CCZ1B: variants seen among roughly 807,000 people sequenced by gnomAD.
CCZ1B encodes the protein CCZ1B vacuolar protein trafficking and biogenesis associated, also known as vacuolar fusion protein CCZ1 homolog B.
CCZ1B carries 25 observed loss-of-function variants against 58.8 expected under a neutral mutation model. The ratio of observed to expected loss-of-function variants is 0.43; its 90% confidence interval spans 0.31 to 0.59. CCZ1B has a LOEUF of 0.59. CCZ1B is among the 20% of genes least tolerant of loss of function. The pLI, the probability that CCZ1B is intolerant of heterozygous loss-of-function variation, is 0.12. For synonymous variants in CCZ1B, 66 were observed against 173.2 expected, an observed-to-expected ratio of 0.38 and a Z score of 4.86; for missense variants, 180 against 501.5, an observed-to-expected ratio of 0.36 and a Z score of 6.12.
chr7:6,804,146 C>T (rs1782802527), intron 12 of CCZ1B, among the ~76,000 whole-genome samples: 1 of 149,830 alleles, frequency 6.7e-6, no homozygotes, highest in Admixed American at 6.8e-5. Context: ...TAGGCATGGC[C>T]GGGTGCGGTA....
At position 6,814,793 on chromosome 7, in the gene CCZ1B, A is replaced by G; in HGVS notation, c.751T>C (p.Ser251Pro). 1 of 1,607,344 alleles carries G rather than the reference A, an allele frequency of 6.2e-7. No homozygotes were observed. Among genetic ancestry groups the G allele is most frequent in the Middle Eastern group, 1.7e-4 (1 of 6,028 alleles). The change falls in exon 8 of 15, where the codon TCC (serine) becomes CCC (proline). Residue 251 changes from serine to proline, a missense_variant. Physicochemically the swap from Ser to Pro is moderately conservative, Grantham distance 74. Transcript: ENST00000316731. Reference sequence around the variant, plus strand: ...GGTTCGATGTGCCTTGGGAAAAGGGAGGTGGTAAGGTATTTGTATAAAATT... The same window carrying G: ...GGTTCGATGTGCCTTGGGAAAAGGGGGGTGGTAAGGTATTTGTATAAAATT... ...MRILYKYLTT[S>P]LFPRHIEPEL... is the part of the protein sequence containing the mutation.
At position 6,820,120 on chromosome 7, in the gene CCZ1B, T is replaced by A. The variant is rs543523917; in HGVS notation, c.523-179A>T. On this transcript the variant is annotated intron_variant, in intron 6 of 14. Coordinates refer to ENST00000316731, the MANE Select transcript of CCZ1B (RefSeq NM_198097.5). ...TGACTGAGTGTCAACTCAGTACCAA[T>A]TCCAAGATACAAAGTTCAAACTATC... Among the ~76,000 whole-genome samples the A allele has an allele frequency of 9.7e-5, 13 of 133,410 alleles. 2 individuals are homozygous for A. Among genetic ancestry groups the A allele is most frequent in the Non-Finnish European group, 1.8e-4 (11 of 62,466 alleles). 87.5% of individuals were successfully genotyped at this position (133,410 alleles called of 152,430 possible).
At chr7:6,825,444 C>T (rs1217620071) in intron 1 of CCZ1B, among the ~76,000 whole-genome samples, 2 of 135,854 alleles carry the variant, frequency 1.5e-5, no homozygotes, top group East Asian at 4.0e-4. Flanking sequence ...AGTTGGGGGT[C>T]TTGCTATGTT....
At chr7:6,815,311 A>G (rs71524078) in intron 7 of CCZ1B, among the ~76,000 whole-genome samples, 66,770 of 142,140 alleles carry the variant, frequency 0.47, 14,255 homozygotes, top group South Asian at 0.73. Context: ...GACTACAGGC[A>G]TGCGCCACCA....
At chr7:6,808,173 A>T (rs1342790434) in intron 10 of CCZ1B, among the ~76,000 whole-genome samples, 1 of 126,460 alleles carries the variant, frequency 7.9e-6, no homozygotes, top group Admixed American at 9.4e-5. Flanking sequence ...AAGGCTGGCC[A>T]TGTGGGGCCA....
At chr7:6,820,945 C>T (rs1179032385) in intron 6 of CCZ1B, among the ~76,000 whole-genome samples, 1 of 148,952 alleles carries the variant, frequency 6.7e-6, no homozygotes, top group Non-Finnish European at 1.5e-5. Flanking sequence ...AACTCCCTGC[C>T]TTAATGCTCT....
At chr7:6,817,640 C>T (rs1300932967) in intron 7 of CCZ1B, among the ~76,000 whole-genome samples, 1 of 149,834 alleles carries the variant, frequency 6.7e-6, no homozygotes, top group African/African-American at 2.5e-5. Context: ...ACTTTAGTAA[C>T]ATTGTGTACA....
At chr7:6,823,946 A>G in intron 4 of CCZ1B, 143 bp downstream of exon 4, 1 of 599,422 alleles carries the variant, frequency 1.7e-6, no homozygotes, top group Non-Finnish European at 2.9e-6. Flanking sequence ...GTGCTCATGT[A>G]AATGATAAAC....
chr7:6,823,331 C>G lies in CCZ1B; in HGVS notation c.420G>C (p.Gln140His). Reference protein sequence around the residue: ...LDKVYSSVLRQCYSMYKLFNG... With the variant: ...LDKVYSSVLRHCYSMYKLFNG... ...CGCTTACCTTGTACATGCTGTAGCACTGCCGCAGCACCGAGCTATAAACCT... is the reference window on the plus strand; with the variant it reads ...CGCTTACCTTGTACATGCTGTAGCAGTGCCGCAGCACCGAGCTATAAACCT... The change falls in exon 5 of 15, where the codon CAG becomes CAC. Residue 140 changes from glutamine to histidine, a missense_variant. Coordinates refer to ENST00000316731, the MANE Select transcript of CCZ1B (RefSeq NM_198097.5). 3 of 1,607,820 alleles carry G rather than the reference C, an allele frequency of 1.9e-6. No homozygotes were observed. Among genetic ancestry groups the G allele is most frequent in the Non-Finnish European group, 2.5e-6 (3 of 1,177,776 alleles).
intron 14 of CCZ1B, among the ~76,000 whole-genome samples, chr7:6,800,360 A>G (rs1782743002): frequency 8.2e-6 from 1 of 122,170 alleles, no homozygotes. Context: ...ATCACAGGAT[A>G]TTAAAAAAGG....
intron 14 of CCZ1B, among the ~76,000 whole-genome samples, 184 bp downstream of exon 14, chr7:6,800,764 T>TGCTACA (rs986366827): frequency 1.5e-5 from 2 of 137,218 alleles, no homozygotes; most frequent in African/African-American, 2.9e-5. Context: ...AAGTTTCCTG[T>TGCTACA]GCTACAGGAA....
rs1583558815 is a variant in CCZ1B, at chr7:6,824,444, T to C, written c.312+11A>G. 7 of 1,604,782 alleles carry C rather than the reference T, an allele frequency of 4.4e-6. No individual in the cohort carries two copies. The East Asian group carries it at 1.3e-4, about 31-fold the overall frequency. ...TACAATTTCAGAAAGATACACTGTG[T>C]GTGTAAATACCATGACCATCCAGAA... On this transcript the variant is annotated intron_variant, in intron 3 of 14. Coordinates refer to ENST00000316731, the MANE Select transcript of CCZ1B (RefSeq NM_198097.5).
chr7:6,823,500 A>G lies in CCZ1B; in HGVS notation c.391-140T>C, dbSNP rs560275012. ...ATCCCACAATAGTTGCGTGCTGAAAAAAAGTGTTTGCGTTCTTTTTTTTTT... is the reference window on the plus strand; with the variant it reads ...ATCCCACAATAGTTGCGTGCTGAAAGAAAGTGTTTGCGTTCTTTTTTTTTT... On this transcript the variant is annotated intron_variant, in intron 4 of 14. Transcript: ENST00000316731. 35 of 1,319,562 alleles carry G rather than the reference A, an allele frequency of 2.7e-5. 2 individuals are homozygous for G. The highest frequency in any genetic ancestry group is 5.0e-5 in the African/African-American group (3 of 60,270). 81.7% of individuals were successfully genotyped at this position (1,319,562 alleles called of 1,614,324 possible). A position where few individuals can be genotyped will look rare whatever the true frequency, so the allele number is the denominator to read the frequency against.
chr7:6,817,683 C>T (rs1453411167), intron 7 of CCZ1B, among the ~76,000 whole-genome samples: 1 of 149,742 alleles, frequency 6.7e-6, no homozygotes, highest in East Asian at 1.9e-4. Flanking sequence ...TGAGTCAGTA[C>T]AGCGTAAGGT....
At chr7:6,817,904 T>A (rs1783032536) in intron 7 of CCZ1B, among the ~76,000 whole-genome samples, 1 of 148,714 alleles carries the variant, frequency 6.7e-6, no homozygotes, top group African/African-American at 2.6e-5. Flanking sequence ...CTCGGGAGGC[T>A]GAGGCAGGAG....
chr7:6,820,378 C>T (rs1240818275), intron 6 of CCZ1B, among the ~76,000 whole-genome samples: 1 of 149,118 alleles, frequency 6.7e-6, no homozygotes, highest in African/African-American at 2.5e-5. Context: ...CAGGGTTTCA[C>T]CATGTTAGCC....
Position 6,821,078 on chromosome 7 carries a change from G to A in CCZ1B, c.523-1137C>T, listed in dbSNP as rs1256384183. On this transcript the variant is annotated intron_variant, in intron 6 of 14. Transcript: ENST00000316731. ...GGCTGGAGTGCAGCGGTGCGATCTCGGCTCACTGCAACCTCTGCCTCTGGG... is the reference window on the plus strand; with the variant it reads ...GGCTGGAGTGCAGCGGTGCGATCTCAGCTCACTGCAACCTCTGCCTCTGGG... Among the ~76,000 whole-genome samples, 9 of 146,196 alleles carry A rather than the reference G, an allele frequency of 6.2e-5. 1 individual carries two copies. The South Asian group carries it at 6.6e-4, about 11-fold the overall frequency.
At chr7:6,815,576 A>AC (rs1457989224) in intron 7 of CCZ1B, among the ~76,000 whole-genome samples, 1 of 148,710 alleles carries the variant, frequency 6.7e-6, no homozygotes, top group African/African-American at 2.6e-5. Flanking sequence ...CAAACCTCCC[A>AC]CCTCAGCCTC....
rs146424345 is a variant in CCZ1B, at chr7:6,817,292, A to G, written c.699-2447T>C. Among the ~76,000 whole-genome samples, 1,374 of 151,478 alleles carry G rather than the reference A, an allele frequency of 9.1e-3. 1 individual carries two copies. The highest frequency in any genetic ancestry group is 0.035 in the South Asian group (168 of 4,800). ...CTTCAAAGGGCCAACGCTGCTGGTCACTCTGGCTCCAGGGTCTCCCAGAAT... is the reference window on the plus strand; with the variant it reads ...CTTCAAAGGGCCAACGCTGCTGGTCGCTCTGGCTCCAGGGTCTCCCAGAAT... On this transcript the variant is annotated intron_variant, in intron 7 of 14. Coordinates refer to ENST00000316731, the MANE Select transcript of CCZ1B (RefSeq NM_198097.5).
Sources: gnomAD v4.1 joint callset for allele counts (sites outside exome capture counted in the v4.1 genomes callset) on GRCh38, gnomAD v4.1.1 for gene constraint, MANE v1.5 for transcripts, NCBI Gene and HGNC (gene_info 2026-07-23, HGNC 2026-07-21) for gene names.